Variants in SHISAL2B observed in about 807,000 individuals in gnomAD.
SHISAL2B encodes the protein shisa like 2B.
In SHISAL2B, 12 loss-of-function variants were observed where a neutral mutation model predicts 16.5. The ratio of observed to expected loss-of-function variants is 0.73; its 90% CI spans 0.47 to 1.18. The LOEUF (loss-of-function observed/expected upper bound fraction) is 1.18. SHISAL2B is among the 50% of genes most tolerant of loss of function. The pLI, the probability that SHISAL2B is intolerant of heterozygous loss-of-function variation, is 0.00. For synonymous variants in SHISAL2B, 72 were observed against 75.0 expected, an observed-to-expected ratio of 0.96 and a Z score of 0.21; for missense variants, 183 against 193.6, an observed-to-expected ratio of 0.95 and a Z score of 0.33.
intron 2 of SHISAL2B, among the ~76,000 whole-genome samples, chr5:64,715,916 CTG>C (rs1742042896): frequency 6.6e-6 from 1 of 152,116 alleles, no homozygotes; most frequent in Non-Finnish European, 1.5e-5. Context: ...AAGAAGATGT[CTG>C]TAAGTTTTAG....
intron 1 of SHISAL2B, among the ~76,000 whole-genome samples, chr5:64,694,706 C>T (rs900273931): frequency 5.3e-5 from 8 of 152,156 alleles, no homozygotes; most frequent in African/African-American, 1.7e-4. Context: ...TTCACAAATA[C>T]GATTTTCCTT....
At chr5:64,693,243 G>A (rs1580517280) in intron 1 of SHISAL2B, among the ~76,000 whole-genome samples, 2 of 152,022 alleles carry the variant, frequency 1.3e-5, no homozygotes, top group Admixed American at 6.6e-5. Context: ...TCCTGACCTC[G>A]TGATTCGCCC....
At chr5:64,694,707 G>A (rs1338026952) in intron 1 of SHISAL2B, among the ~76,000 whole-genome samples, 5 of 152,138 alleles carry the variant, frequency 3.3e-5, no homozygotes, top group South Asian at 2.1e-4. Flanking sequence ...TCACAAATAC[G>A]ATTTTCCTTT....
intron 1 of SHISAL2B, chr5:64,694,299 C>T (rs1741697676): frequency 3.8e-6 from 1 of 262,728 alleles, no homozygotes; most frequent in East Asian, 1.2e-4. Context: ...ACAACACTAC[C>T]ATGAAAGTTG....
intron 2 of SHISAL2B, among the ~76,000 whole-genome samples, chr5:64,704,539 A>G (rs186866017): frequency 6.6e-6 from 1 of 152,378 alleles, no homozygotes; most frequent in Non-Finnish European, 1.5e-5. Flanking sequence ...CAGCAGGAAG[A>G]GCAGCTGACA....
At chr5:64,709,026 ATCTT>A (rs1244533448) in intron 2 of SHISAL2B, among the ~76,000 whole-genome samples, 2 of 149,710 alleles carry the variant, frequency 1.3e-5, no homozygotes, top group East Asian at 1.9e-4. Context: ...GCAGTGAGAC[ATCTT>A]TCTTTTTTTT....
chr5:64,694,742 T>A (rs1420002442), intron 1 of SHISAL2B, among the ~76,000 whole-genome samples: 2 of 152,258 alleles, frequency 1.3e-5, no homozygotes, highest in African/African-American at 2.4e-5. Context: ...TCTCCTTTTT[T>A]ATAATAGTTT....
intron 2 of SHISAL2B, among the ~76,000 whole-genome samples, chr5:64,716,253 T>C (rs183917): frequency 0.63 from 95,772 of 152,050 alleles, 32,205 homozygotes; most frequent in African/African-American, 0.88. Flanking sequence ...AGGCATGCAT[T>C]ATTTGCTCTA....
intron 2 of SHISAL2B, among the ~76,000 whole-genome samples, chr5:64,714,472 A>T (rs917073912): frequency 4.7e-5 from 7 of 150,344 alleles, no homozygotes; most frequent in Admixed American, 4.6e-4. Flanking sequence ...TTAAGTCTGC[A>T]GAGGTTACTA....
intron 2 of SHISAL2B, among the ~76,000 whole-genome samples, chr5:64,700,082 G>C (rs968689329): frequency 6.6e-6 from 1 of 152,156 alleles, no homozygotes; most frequent in African/African-American, 2.4e-5. Context: ...GAATACCATT[G>C]CTTGTAAATT....
intron 1 of SHISAL2B, among the ~76,000 whole-genome samples, chr5:64,693,400 A>G (rs1741683174): frequency 6.6e-6 from 1 of 152,202 alleles, no homozygotes; most frequent in Non-Finnish European, 1.5e-5. Flanking sequence ...CATGGATGGC[A>G]TGCTTTGTTT....
intron 2 of SHISAL2B, among the ~76,000 whole-genome samples, chr5:64,707,252 A>G (rs1214963710): frequency 6.6e-6 from 1 of 152,048 alleles, no homozygotes; most frequent in African/African-American, 2.4e-5. Context: ...CTTTTTATTT[A>G]TTTATTTATT....
intron 1 of SHISAL2B, chr5:64,694,214 A>G (rs1361740212): frequency 1.3e-5 from 5 of 391,546 alleles, no homozygotes; most frequent in Non-Finnish European, 2.5e-5. Context: ...ATCAATTGGC[A>G]GTCAATTATT....
rs1204827180 is a variant in SHISAL2B, at chr5:64,690,909, G to T, written c.191+95G>T. The stretch of plus-strand genomic sequence containing the variant: ...GCCAGGGCCAGGGAGGTTCCCCCGC[G>T]TCCCCGCTATCCGCCCTAGGTTAGG... On this transcript the variant is annotated intron_variant, in intron 1 of 2. Transcript: ENST00000389074. 6 of 1,119,332 alleles carry T rather than the reference G, an allele frequency of 5.4e-6. No individual in the cohort carries two copies. In the Admixed American group the frequency reaches 1.5e-4, roughly 28 times the overall value. 69.3% of individuals were successfully genotyped at this position (1,119,332 alleles called of 1,614,324 possible). A position where few individuals can be genotyped will look rare whatever the true frequency, so the allele number is the denominator to read the frequency against.
rs1157174039 is a variant in SHISAL2B, at chr5:64,709,977, A to T, written c.350-7912A>T. 1.7e-4 allele frequency among the ~76,000 whole-genome samples: 25 copies of T among 149,974 alleles called. No homozygotes were observed. The South Asian group carries it at 2.5e-3, about 15-fold the overall frequency. Reference sequence around the variant, plus strand: ...GTAGGTTGCGAAAATTTTCTCCCATATTGTAGGTTGCCTGTTCACTCTGAT... The same window carrying T: ...GTAGGTTGCGAAAATTTTCTCCCATTTTGTAGGTTGCCTGTTCACTCTGAT... On this transcript the variant is annotated intron_variant, in intron 2 of 2. Coordinates refer to ENST00000389074, the MANE Select transcript of SHISAL2B (RefSeq NM_001164442.2).
rs143533889 is a variant in SHISAL2B at position 64,716,608 on chromosome 5, G to T, written c.350-1281G>T. Among the ~76,000 whole-genome samples, 16 of 152,280 alleles carry T rather than the reference G, an allele frequency of 1.1e-4. No individual in the cohort carries two copies. The East Asian group carries it at 2.9e-3, about 28-fold the overall frequency. On this transcript the variant is annotated intron_variant, in intron 2 of 2. Coordinates refer to ENST00000389074, the MANE Select transcript of SHISAL2B (RefSeq NM_001164442.2). The stretch of plus-strand genomic sequence containing the variant: ...TGTTTTGGGTAGGTCTTATTGAGAA[G>T]ATGACTTTTGAGGAAGGACTTGGAA...
chr5:64,707,884 T>C (rs936921315), intron 2 of SHISAL2B, among the ~76,000 whole-genome samples: 1 of 152,128 alleles, frequency 6.6e-6, no homozygotes, highest in Non-Finnish European at 1.5e-5. Context: ...TCTCTGAGAG[T>C]CCTGAAAGTT....
At chr5:64,695,392 C>T (rs1056418667) in intron 1 of SHISAL2B, 115 bp from the exon 2 acceptor site, 4 of 613,768 alleles carry the variant, frequency 6.5e-6, no homozygotes, top group Non-Finnish European at 1.0e-5. Flanking sequence ...TGCTAAAATA[C>T]AATTTGGTTA....
At chr5:64,717,717 T>C (rs1742076985) in intron 2 of SHISAL2B, among the ~76,000 whole-genome samples, 172 bp from the exon 3 acceptor site, 1 of 152,186 alleles carries the variant, frequency 6.6e-6, no homozygotes, top group Non-Finnish European at 1.5e-5. Context: ...TTGACTTTCA[T>C]AAGGAAATAC....
Sources: allele counts gnomAD v4.1 joint callset (sites outside exome capture counted in the v4.1 genomes callset), GRCh38; gene constraint gnomAD v4.1.1; transcripts MANE v1.5; gene names NCBI Gene and HGNC (gene_info 2026-07-23, HGNC 2026-07-21).